The following FRMD7 variants were observed in gnomAD, a reference collection of about 807,000 sequenced individuals.
FRMD7 encodes the protein FERM domain containing 7, also known as FERM domain-containing protein 7.
FRMD7 carries 14 observed loss-of-function variants against 44.1 expected under a neutral mutation model. The observed-to-expected ratio is 0.32, with a 90% CI of 0.21 to 0.50. FRMD7 has a LOEUF of 0.50. Ranked by LOEUF, FRMD7 falls within the 20% of genes least tolerant of loss-of-function variation. FRMD7 has a pLI of 0.99. For synonymous variants in FRMD7, 212 were observed against 187.4 expected (o/e 1.13, Z -1.07); for missense variants, 501 against 522.3 (o/e 0.96, Z 0.40).
At chrX:132,087,643 A>G (rs1289559751) in intron 5 of FRMD7, among the ~76,000 whole-genome samples, 6 of 111,606 alleles carry the variant, frequency 5.4e-5, no homozygotes, top group Non-Finnish European at 1.1e-4. Flanking sequence ...AATAAATACC[A>G]ATTCTTCACA....
At chrX:132,117,529 CT>C (rs1928931447) in intron 1 of FRMD7, among the ~76,000 whole-genome samples, 1 of 111,475 alleles carries the variant, frequency 9.0e-6, no homozygotes. Context: ...ATTGTTTTCT[CT>C]TTTTTTGTTT....
At chrX:132,090,489 TGAAATGTTCAG>T (rs1441969858) in intron 5 of FRMD7, among the ~76,000 whole-genome samples, 1 of 111,596 alleles carries the variant, frequency 9.0e-6, no homozygotes, top group Non-Finnish European at 1.9e-5. Flanking sequence ...TTCATTTACA[TGAAATGTTCAG>T]GAAAGGCAAA....
At chrX:132,083,075 T>C (rs1411447704) in intron 8 of FRMD7, among the ~76,000 whole-genome samples, 1 of 111,821 alleles carries the variant, frequency 8.9e-6, no homozygotes, top group Non-Finnish European at 1.9e-5. Flanking sequence ...CTCAGCCTCC[T>C]GAATAGCTAG....
chrX:132,085,397 CTA>C, intron 7 of FRMD7, among the ~76,000 whole-genome samples, 182 bp downstream of exon 7: 1 of 112,062 alleles, frequency 8.9e-6, no homozygotes, highest in East Asian at 2.8e-4. Flanking sequence ...CTGCAGTTAA[CTA>C]TGTTTATTAG....
At chrX:132,124,960 T>C (rs1347240549) in intron 1 of FRMD7, among the ~76,000 whole-genome samples, 1 of 112,113 alleles carries the variant, frequency 8.9e-6, no homozygotes, top group African/African-American at 3.2e-5. Flanking sequence ...CTCAATGCCA[T>C]GGCCTCTGTG....
At chrX:132,080,333 G>T in intron 9 of FRMD7, 67 bp from the exon 10 acceptor site, 1 of 705,871 alleles carries the variant, frequency 1.4e-6, no homozygotes, top group Non-Finnish European at 2.3e-6. Context: ...AAACTTGAAA[G>T]CCTCGTTTAT....
At chrX:132,119,525 G>A (rs1202481762) in intron 1 of FRMD7, among the ~76,000 whole-genome samples, 2 of 111,579 alleles carry the variant, frequency 1.8e-5, no homozygotes, top group Non-Finnish European at 3.8e-5. Flanking sequence ...CCATGCCTAA[G>A]TGCTTCCAGG....
At chrX:132,104,417 G>C (rs1396481670) in intron 1 of FRMD7, among the ~76,000 whole-genome samples, 1 of 111,768 alleles carries the variant, frequency 8.9e-6, no homozygotes, top group African/African-American at 3.3e-5. Context: ...TGCGGGCTGG[G>C]CGCTGTGGCT....
At chrX:132,089,812 T>G (rs1928111385) in intron 5 of FRMD7, among the ~76,000 whole-genome samples, 1 of 111,878 alleles carries the variant, frequency 8.9e-6, no homozygotes, top group South Asian at 3.7e-4. Context: ...ATGGTCATAA[T>G]CAAAAAGATA....
Position 132,095,293 on chromosome X carries a change from C to T in FRMD7, c.285-1154G>A, listed in dbSNP as rs183841834. Reference sequence around the variant, plus strand: ...TATTTTTAGTAGATACGAGGTTTCACCATGTTGGCCAGGCTGGTCTTCAAC... The same window carrying T: ...TATTTTTAGTAGATACGAGGTTTCATCATGTTGGCCAGGCTGGTCTTCAAC... On this transcript the variant is annotated intron_variant, in intron 4 of 11. Coordinates refer to ENST00000298542, the MANE Select transcript of FRMD7 (RefSeq NM_194277.3). 2.7e-5 allele frequency among the ~76,000 whole-genome samples: 3 copies of T among 109,621 alleles called. No individual in the cohort carries two copies. The East Asian group carries it at 8.6e-4, about 31-fold the overall frequency.
At chrX:132,116,815 A>G (rs1481729429) in intron 1 of FRMD7, among the ~76,000 whole-genome samples, 1 of 112,118 alleles carries the variant, frequency 8.9e-6, no homozygotes, top group Non-Finnish European at 1.9e-5. Context: ...TGTATCCCAG[A>G]ACTTAAAATA....
At position 132,085,739 on chromosome X, in the gene FRMD7, A is replaced by G. The variant is rs748118311; in HGVS notation, c.498-11T>C. The G allele has an allele frequency of 1.7e-6, 2 of 1,205,148 alleles. No individual in the cohort carries two copies. The highest frequency in any genetic ancestry group is 1.1e-6 in the Non-Finnish European group (1 of 889,651). ...GCTGGGCTCCTGCCACTGAAAGGGG[A>G]AAGAATTTATGAGCCTAATAAATGC... On this transcript the variant is annotated splice_polypyrimidine_tract_variant and intron_variant, in intron 6 of 11. Coordinates refer to ENST00000298542, the MANE Select transcript of FRMD7 (RefSeq NM_194277.3).
intron 3 of FRMD7, among the ~76,000 whole-genome samples, chrX:132,098,594 G>C (rs994130488): frequency 9.1e-6 from 1 of 109,823 alleles, no homozygotes; most frequent in African/African-American, 3.3e-5. Flanking sequence ...CAGAACTTTG[G>C]GAAGCACTAA....
At chrX:132,090,499 A>T (rs1219116260) in intron 5 of FRMD7, among the ~76,000 whole-genome samples, 1 of 111,700 alleles carries the variant, frequency 9.0e-6, no homozygotes, top group African/African-American at 3.3e-5. Context: ...TGAAATGTTC[A>T]GGAAAGGCAA....
chrX:132,099,322 A>T (rs1928430923), intron 3 of FRMD7, 146 bp downstream of exon 3: 1 of 472,902 alleles, frequency 2.1e-6, no homozygotes, highest in African/African-American at 2.4e-5. Context: ...TAAATTGCTG[A>T]ATTTACTGGA....
chrX:132,103,524 CTATCTA>C (rs1928567449), intron 1 of FRMD7, among the ~76,000 whole-genome samples: 2 of 109,871 alleles, frequency 1.8e-5, no homozygotes, highest in African/African-American at 3.3e-5. Context: ...ATCTATCTAT[CTATCTA>C]TCTCTATAAT....
chrX:132,111,497 T>A (rs886280396), intron 1 of FRMD7, among the ~76,000 whole-genome samples: 4 of 111,876 alleles, frequency 3.6e-5, no homozygotes, highest in Non-Finnish European at 3.8e-5. Context: ...CCATGTATTA[T>A]CCCTTTTGTA....
intron 5 of FRMD7, among the ~76,000 whole-genome samples, chrX:132,087,178 T>C (rs760748189): frequency 8.9e-6 from 1 of 112,011 alleles, no homozygotes; most frequent in South Asian, 3.7e-4. Flanking sequence ...ATATGAATCA[T>C]TTCCTGGTCA....
chrX:132,096,000 C>T (rs1928320476), intron 4 of FRMD7, among the ~76,000 whole-genome samples: 1 of 112,096 alleles, frequency 8.9e-6, no homozygotes, highest in African/African-American at 3.2e-5. Context: ...CATTTATCAT[C>T]ACATTGATTT....
Sources: allele counts gnomAD v4.1 joint callset (sites outside exome capture counted in the v4.1 genomes callset), GRCh38; gene constraint gnomAD v4.1.1; transcripts MANE v1.5; gene names NCBI Gene and HGNC (gene_info 2026-07-23, HGNC 2026-07-21).